The following RBPJ variants were observed in gnomAD, a reference collection of about 807,000 sequenced individuals.
RBPJ encodes recombining binding protein suppressor of hairless.
A neutral mutation model predicts 67.8 loss-of-function variants in RBPJ; 9 were observed. The ratio of observed to expected loss-of-function variants is 0.13; its 90% CI spans 0.08 to 0.23. RBPJ has a LOEUF of 0.23. Ranked by LOEUF, RBPJ falls within the 10% of genes least tolerant of loss-of-function variation. RBPJ has a pLI of 1.00. For synonymous variants in RBPJ, 198 were observed against 203.3 expected (o/e 0.97, Z 0.22); for missense variants, 305 against 595.6 (o/e 0.51, Z 5.08).
In RBPJ at chr4:26,192,010, A is replaced by ATT. The variant is rs35579283; in HGVS notation, c.-167+28411_-167+28412dup. 2.3e-3 allele frequency among the ~76,000 whole-genome samples: 322 copies of ATT among 142,674 alleles called. 4 individuals carry two copies. Among genetic ancestry groups the ATT allele is most frequent in the South Asian group, 5.2e-3 (23 of 4,462 alleles). 93.6% of individuals were successfully genotyped at this position (142,674 alleles called of 152,430 possible). A position where few individuals can be genotyped will look rare whatever the true frequency, so the allele number is the denominator to read the frequency against. On this transcript the variant is annotated intron_variant, in intron 1 of 4. Transcript: ENST00000512351. ...ACATTTGTTTGTCCCATTCTTTAAA[A>ATT]TTTTTTTTTTTTTTTTGAGGCAGAG...
chr4:26,400,803 C>A (rs1287067785), intron 2 of RBPJ, among the ~76,000 whole-genome samples: 1 of 152,208 alleles, frequency 6.6e-6, no homozygotes, highest in Non-Finnish European at 1.5e-5. Context: ...CTGCATTCAT[C>A]ATAAGCACTG....
chr4:26,244,798 C>T (rs1192167402), intron 1 of RBPJ, among the ~76,000 whole-genome samples: 1 of 151,820 alleles, frequency 6.6e-6, no homozygotes, highest in African/African-American at 2.4e-5. Context: ...ACACACCCGG[C>T]TAATTTTGTA....
chr4:26,134,243 A>C, the RBPJ span, among the ~76,000 whole-genome samples: 1 of 152,176 alleles, frequency 6.6e-6, no homozygotes, highest in East Asian at 1.9e-4. Context: ...CAGGATACCA[A>C]ACGCCTTTTC....
At chr4:26,429,711 G>T (rs1209237326) in intron 8 of RBPJ, among the ~76,000 whole-genome samples, 187 bp from the exon 9 acceptor site, 10 of 152,174 alleles carry the variant, frequency 6.6e-5, no homozygotes, top group Non-Finnish European at 5.9e-5. Flanking sequence ...TGTCTATGGG[G>T]TTTCTGTATT....
chr4:26,347,929 C>T (rs889595273), intron 1 of RBPJ, among the ~76,000 whole-genome samples: 1 of 150,228 alleles, frequency 6.7e-6, no homozygotes, highest in Non-Finnish European at 1.5e-5. Flanking sequence ...AGTCTTTCTA[C>T]ATCTGCTGTT....
At chr4:26,289,214 T>C (rs1336156824) in intron 1 of RBPJ, among the ~76,000 whole-genome samples, 2 of 149,102 alleles carry the variant, frequency 1.3e-5, no homozygotes, top group Admixed American at 6.7e-5. Context: ...CTGGCCAACA[T>C]AGTGAAACCC....
At chr4:26,232,158 A>G (rs1719312559) in intron 1 of RBPJ, among the ~76,000 whole-genome samples, 1 of 152,166 alleles carries the variant, frequency 6.6e-6, no homozygotes, top group Admixed American at 6.6e-5. Flanking sequence ...AGCCTCCCAA[A>G]GTGCTGGGAT....
chr4:26,162,869 AGAGCGG>A (rs1716119326), upstream of RBPJ, among the ~76,000 whole-genome samples: 4 of 152,208 alleles, frequency 2.6e-5, no homozygotes, highest in Non-Finnish European at 4.4e-5. Flanking sequence ...GTCTGGAGGA[AGAGCGG>A]CAGGGAGACC....
At chr4:26,214,713 G>GAA (rs1560213886) in intron 1 of RBPJ, among the ~76,000 whole-genome samples, 2 of 43,192 alleles carry the variant, frequency 4.6e-5, no homozygotes, top group South Asian at 1.2e-3. Flanking sequence ...AGGAAGGAAG[G>GAA]AGAGAGAGAG....
chr4:26,314,962 T>C (rs1279792061), upstream of RBPJ, among the ~76,000 whole-genome samples: 2 of 151,210 alleles, frequency 1.3e-5, no homozygotes, highest in African/African-American at 4.9e-5. Context: ...CTGGCCAACA[T>C]GGTGAAACCC....
chr4:26,167,261 T>C (rs1453744830), intron 1 of RBPJ, among the ~76,000 whole-genome samples: 1 of 152,224 alleles, frequency 6.6e-6, no homozygotes, highest in African/African-American at 2.4e-5. Context: ...AGAAAGTCAT[T>C]GGTAGCTTGA....
rs190869298 is a variant in RBPJ at position 26,254,499 on chromosome 4, G to A, written c.-167+90885G>A. 2.3e-4 allele frequency among the ~76,000 whole-genome samples: 34 copies of A among 148,486 alleles called. 3 individuals carry two copies. The highest frequency in any genetic ancestry group is 4.1e-4 in the Non-Finnish European group (28 of 67,946). Reference sequence around the variant, plus strand: ...TGGTTGCTTCCTTTCATGGCCCTTGGCTAACTTCTCAGAGAAGCCTGTGTC... The same window carrying A: ...TGGTTGCTTCCTTTCATGGCCCTTGACTAACTTCTCAGAGAAGCCTGTGTC... On this transcript the variant is annotated intron_variant, in intron 1 of 4. Transcript: ENST00000512351.
In RBPJ at chr4:26,420,597, G is replaced by A. The variant is rs1577662911; in HGVS notation, c.368G>A (p.Arg123Gln). The part of the protein sequence containing the change: ...KTLYISDSDK[R>Q]KHFMLSVKMF... ...TTGTATATATCTGACTCAGACAAGC[G>A]AAAGCACTTCATGTTGTCTGTAAAG... The change falls in exon 5 of 11, where the codon CGA (arginine) becomes CAA (glutamine). Residue 123 changes from arginine (R) to glutamine (Q), a missense_variant. By Grantham distance (43) the Arg-to-Gln change is conservative. Coordinates refer to ENST00000355476, the MANE Select transcript of RBPJ (RefSeq NM_015874.6). 2.5e-6 allele frequency: 4 copies of A among 1,613,488 alleles called. No homozygotes were observed. Among genetic ancestry groups the A allele is most frequent in the Non-Finnish European group, 2.5e-6 (3 of 1,179,736 alleles).
chr4:26,165,763 T>C (rs1390345397), intron 1 of RBPJ, among the ~76,000 whole-genome samples: 1 of 151,894 alleles, frequency 6.6e-6, no homozygotes, highest in Non-Finnish European at 1.5e-5. Flanking sequence ...ATGTGCACAA[T>C]GTGCAGGTTA....
intron 1 of RBPJ, among the ~76,000 whole-genome samples, chr4:26,227,621 A>G (rs898132155): frequency 1.3e-5 from 2 of 152,126 alleles, no homozygotes; most frequent in African/African-American, 4.8e-5. Flanking sequence ...ATTCTTTTTC[A>G]TTTGAAGTTG....
At chr4:26,253,423 T>C (rs1003048074) in intron 1 of RBPJ, among the ~76,000 whole-genome samples, 4 of 145,590 alleles carry the variant, frequency 2.7e-5, no homozygotes, top group African/African-American at 8.1e-5. Context: ...GCCATTCTCC[T>C]AGCTCAGCCT....
At chr4:26,335,066 T>A (rs1724665685) in intron 1 of RBPJ, among the ~76,000 whole-genome samples, 1 of 152,230 alleles carries the variant, frequency 6.6e-6, no homozygotes, top group Admixed American at 6.5e-5. Context: ...TACCATCCTA[T>A]AAAATAGACT....
At chr4:26,390,480 T>C (rs1479649984) in intron 2 of RBPJ, among the ~76,000 whole-genome samples, 1 of 152,216 alleles carries the variant, frequency 6.6e-6, no homozygotes, top group Non-Finnish European at 1.5e-5. Flanking sequence ...ATCATGATCA[T>C]ATGTATAGAA....
chr4:26,342,339 G>A (rs1418772709), intron 1 of RBPJ, among the ~76,000 whole-genome samples: 4 of 151,278 alleles, frequency 2.6e-5, no homozygotes, highest in Non-Finnish European at 5.9e-5. Context: ...CCTTGCCATC[G>A]TTTGGTGAGG....
Sources: gnomAD v4.1 joint callset for allele counts (sites outside exome capture counted in the v4.1 genomes callset) on GRCh38, gnomAD v4.1.1 for gene constraint, MANE v1.5 for transcripts, NCBI Gene and HGNC (gene_info 2026-07-23, HGNC 2026-07-21) for gene names.